SLC25A21: variants seen among roughly 807,000 people sequenced by gnomAD.
SLC25A21 encodes solute carrier family 25 member 21, also known as mitochondrial 2-oxodicarboxylate carrier.
Under a neutral mutation model 43.8 loss-of-function variants are expected in SLC25A21, and 47 were observed. The observed-to-expected ratio is 1.07, with a 90% CI of 0.85 to 1.37. The LOEUF (loss-of-function observed/expected upper bound fraction) is 1.37. Ranked by LOEUF, SLC25A21 falls within the 40% of genes most tolerant of loss-of-function variation. The pLI is 0.00. For missense variants in SLC25A21, 352 were observed against 350.2 expected (o/e 1.00, Z -0.04); for synonymous variants, 131 against 121.3 (o/e 1.08, Z -0.52).
intron 2 of SLC25A21, among the ~76,000 whole-genome samples, chr14:36,833,993 A>G (rs1249111521): frequency 2.6e-5 from 4 of 152,204 alleles, no homozygotes; most frequent in Non-Finnish European, 5.9e-5. Flanking sequence ...GAACTAAAAA[A>G]TTCTGTAAAT....
intron 1 of SLC25A21, among the ~76,000 whole-genome samples, chr14:36,990,992 A>G (rs2138712605): frequency 6.6e-6 from 1 of 152,308 alleles, no homozygotes; most frequent in East Asian, 1.9e-4. Flanking sequence ...CTGGAAAACA[A>G]ATCAATGCAA....
chr14:36,753,266 A>G (rs1161140836), intron 3 of SLC25A21, among the ~76,000 whole-genome samples: 51 of 152,238 alleles, frequency 3.4e-4, no homozygotes, highest in Non-Finnish European at 2.4e-4. Flanking sequence ...ACAGAAAGTG[A>G]AAAGATATAA....
At chr14:37,041,234 A>G (rs1401682714) in intron 1 of SLC25A21, among the ~76,000 whole-genome samples, 2 of 152,184 alleles carry the variant, frequency 1.3e-5, no homozygotes, top group Non-Finnish European at 2.9e-5. Flanking sequence ...TTAAACTTTC[A>G]GTAACCAAGT....
At chr14:37,035,537 C>T (rs1961309165) in intron 1 of SLC25A21, among the ~76,000 whole-genome samples, 1 of 152,200 alleles carries the variant, frequency 6.6e-6, no homozygotes, top group South Asian at 2.1e-4. Context: ...ATTTGAGGAA[C>T]TTGGGTCAAG....
intron 1 of SLC25A21, among the ~76,000 whole-genome samples, chr14:36,888,552 A>G (rs1486589915): frequency 6.6e-6 from 1 of 151,930 alleles, no homozygotes; most frequent in Non-Finnish European, 1.5e-5. Flanking sequence ...TTATATATAT[A>G]AATATGTATG....
chr14:37,064,035 A>C (rs1962007550), intron 1 of SLC25A21, among the ~76,000 whole-genome samples: 1 of 152,200 alleles, frequency 6.6e-6, no homozygotes, highest in Non-Finnish European at 1.5e-5. Context: ...TGTTTCCAGG[A>C]AAGATTGATG....
At chr14:36,829,209 A>G (rs1334483672) in intron 2 of SLC25A21, among the ~76,000 whole-genome samples, 2 of 151,934 alleles carry the variant, frequency 1.3e-5, no homozygotes, top group Non-Finnish European at 2.9e-5. Flanking sequence ...CTCTCTACCC[A>G]TTTCTACTCT....
intron 1 of SLC25A21, among the ~76,000 whole-genome samples, chr14:37,061,723 TAATG>T (rs1419954264): frequency 6.6e-6 from 1 of 152,204 alleles, no homozygotes; most frequent in East Asian, 1.9e-4. Flanking sequence ...AAAACAGTCT[TAATG>T]AATTTACCCT....
intron 3 of SLC25A21, among the ~76,000 whole-genome samples, chr14:36,771,620 T>C (rs1886622025): frequency 6.6e-6 from 1 of 152,062 alleles, no homozygotes; most frequent in Non-Finnish European, 1.5e-5. Flanking sequence ...TAGAGAAGAG[T>C]TTCTCTCTTG....
intron 1 of SLC25A21, among the ~76,000 whole-genome samples, chr14:37,043,372 A>C (rs751720908): frequency 6.6e-6 from 1 of 152,184 alleles, no homozygotes; most frequent in Non-Finnish European, 1.5e-5. Context: ...ATGGTCCAAA[A>C]GACCGTTCAG....
At chr14:37,008,710 A>C (rs998019286) in intron 1 of SLC25A21, among the ~76,000 whole-genome samples, 8 of 152,196 alleles carry the variant, frequency 5.3e-5, no homozygotes, top group Non-Finnish European at 1.2e-4. Flanking sequence ...TTAGTGAGGA[A>C]GGGAGAGACG....
chr14:36,719,017 C>A (rs745919038), intron 6 of SLC25A21, among the ~76,000 whole-genome samples: 11 of 152,058 alleles, frequency 7.2e-5, no homozygotes, highest in African/African-American at 9.7e-5. Context: ...TGTGCCCCAG[C>A]CACACATCAG....
intron 2 of SLC25A21, among the ~76,000 whole-genome samples, chr14:36,819,875 A>T (rs1888570950): frequency 6.6e-6 from 1 of 152,176 alleles, no homozygotes; most frequent in Admixed American, 6.5e-5. Context: ...CCAAAACCGC[A>T]CTTACTTTTG....
chr14:37,106,600 C>G (rs1962918137), intron 1 of SLC25A21, among the ~76,000 whole-genome samples: 1 of 152,178 alleles, frequency 6.6e-6, no homozygotes, highest in Admixed American at 6.6e-5. Context: ...TGAACACAGA[C>G]CCTTATCAGT....
chr14:37,038,333 T>TA (rs1237294183), intron 1 of SLC25A21, among the ~76,000 whole-genome samples: 1 of 152,162 alleles, frequency 6.6e-6, no homozygotes, highest in African/African-American at 2.4e-5. Flanking sequence ...TTGGCAAAAT[T>TA]ATAACTTTTG....
At chr14:37,107,366 G>A (rs1962934409) in intron 1 of SLC25A21, among the ~76,000 whole-genome samples, 1 of 151,542 alleles carries the variant, frequency 6.6e-6, no homozygotes, top group South Asian at 2.1e-4. Context: ...TTTATTTTTT[G>A]GAAATGGGAT....
intron 1 of SLC25A21, among the ~76,000 whole-genome samples, chr14:37,101,526 AT>A (rs1962816796): frequency 6.6e-6 from 1 of 152,230 alleles, no homozygotes; most frequent in East Asian, 1.9e-4. Context: ...TAAATGAAAA[AT>A]ATTCATGTAT....
intron 3 of SLC25A21, among the ~76,000 whole-genome samples, chr14:36,797,302 A>G (rs140191764): frequency 1.3e-3 from 193 of 152,308 alleles, no homozygotes; most frequent in African/African-American, 4.5e-3. Context: ...TTCAAACATG[A>G]CATTCAAAAT....
chr14:37,128,690 T>C (rs771023084), intron 1 of SLC25A21, among the ~76,000 whole-genome samples: 15 of 151,964 alleles, frequency 9.9e-5, no homozygotes, highest in Non-Finnish European at 1.9e-4. Flanking sequence ...CAGGCTCAGG[T>C]GATCCTCCCA....
Sources: gnomAD v4.1 joint callset for allele counts (sites outside exome capture counted in the v4.1 genomes callset) on GRCh38, gnomAD v4.1.1 for gene constraint, MANE v1.5 for transcripts, NCBI Gene and HGNC (gene_info 2026-07-23, HGNC 2026-07-21) for gene names.